SPEF2: variants seen among roughly 807,000 people sequenced by gnomAD.
The protein encoded by SPEF2 is sperm flagella and cilia-associated protein 2.
Under a neutral mutation model 224.6 loss-of-function variants are expected in SPEF2, and 187 were observed. The observed-to-expected ratio is 0.83, with a 90% CI of 0.74 to 0.94. The LOEUF (loss-of-function observed/expected upper bound fraction) is 0.94. Ranked by LOEUF, SPEF2 falls within the 40% of genes least tolerant of loss-of-function variation. SPEF2 has a pLI of 0.00. For synonymous variants in SPEF2, 715 were observed against 707.3 expected, an observed-to-expected ratio of 1.01 and a Z score of -0.17; for missense variants, 2,170 against 2,135.6, an observed-to-expected ratio of 1.02 and a Z score of -0.32.
intron 31 of SPEF2, 78 bp from the exon 32 acceptor site, chr5:35,793,081 A>G (rs1756177140): frequency 7.6e-7 from 1 of 1,323,770 alleles, no homozygotes; most frequent in Non-Finnish European, 1.0e-6. Flanking sequence ...GGAAACTCTC[A>G]CTATGAAAAT....
At position 35,666,806 on chromosome 5, in the gene SPEF2, A is replaced by G. The variant is rs183490777; in HGVS notation, c.1168-266A>G. On this transcript the variant is annotated intron_variant, in intron 8 of 36. Coordinates refer to ENST00000356031, the MANE Select transcript of SPEF2 (RefSeq NM_024867.4). ...AAGGCTTAAGATCCAATTCCTCATT[A>G]ATCCACATTGGGCTTTCCCCAGTTA... Among the ~76,000 whole-genome samples, 13 of 152,312 alleles carry G rather than the reference A, an allele frequency of 8.5e-5. No individual in the cohort carries two copies. In the East Asian group the frequency reaches 2.5e-3, roughly 29 times the overall value.
Position 35,618,268 on chromosome 5 carries a change from C to A in SPEF2, c.58+213C>A, listed in dbSNP as rs116848278. ...TCCCTACAGCTCACCCCAGCCAGGG[C>A]AAGGCCTTGTCACGTCCCCACTCTG... On this transcript the variant is annotated intron_variant, in intron 1 of 36. Transcript: ENST00000356031. Among the ~76,000 whole-genome samples the A allele has an allele frequency of 3.9e-5, 6 of 152,262 alleles. 1 individual carries two copies.
chr5:35,657,387 TA>T (rs1248501866), intron 7 of SPEF2, among the ~76,000 whole-genome samples: 11 of 152,100 alleles, frequency 7.2e-5, no homozygotes. Flanking sequence ...TTTGACTTTT[TA>T]GGGGATAGGT....
intron 26 of SPEF2, among the ~76,000 whole-genome samples, chr5:35,765,268 T>C (rs1388774495): frequency 6.6e-6 from 1 of 152,230 alleles, no homozygotes; most frequent in Non-Finnish European, 1.5e-5. Flanking sequence ...ATTCATCTTA[T>C]GTTGTTCATT....
Position 35,641,617 on chromosome 5 carries a change from G to A in SPEF2, c.348G>A (p.Glu116=). Residue 116 remains glutamate, a synonymous_variant, in exon 3 of 37, where the codon GAG becomes GAA. Coordinates refer to ENST00000356031, the MANE Select transcript of SPEF2 (RefSeq NM_024867.4). Reference sequence around the variant, plus strand: ...AGAAAAGTGGACTGACTGGAGTGGAGATGCAAACCATGCAACGTCTGACAA... The same window carrying A: ...AGAAAAGTGGACTGACTGGAGTGGAAATGCAAACCATGCAACGTCTGACAA... The part of the protein sequence containing the change: ...KKKKSGLTGV[E]MQTMQRLTNL... The A allele has an allele frequency of 2.5e-6, 4 of 1,613,656 alleles. No homozygotes were observed. Among genetic ancestry groups the A allele is most frequent in the Non-Finnish European group, 3.4e-6 (4 of 1,179,742 alleles).
In SPEF2 at chr5:35,670,053, C is replaced by A. The variant is rs200211206; in HGVS notation, c.1356-6C>A. The A allele has an allele frequency of 1.8e-4, 277 of 1,577,172 alleles. No homozygotes were observed. Among genetic ancestry groups the A allele is most frequent in the Non-Finnish European group, 2.3e-4 (267 of 1,167,220 alleles). On this transcript the variant is annotated splice_region_variant and splice_polypyrimidine_tract_variant and intron_variant, in intron 9 of 36. Coordinates refer to ENST00000356031, the MANE Select transcript of SPEF2 (RefSeq NM_024867.4). ...GATTCATCTCTACCTTTTTTTTGTGCGATAGTCTGATTCCGTATAAGTTGA... is the reference window on the plus strand; with the variant it reads ...GATTCATCTCTACCTTTTTTTTGTGAGATAGTCTGATTCCGTATAAGTTGA...
chr5:35,754,092 G>A (rs1335384775), intron 24 of SPEF2, among the ~76,000 whole-genome samples: 1 of 152,054 alleles, frequency 6.6e-6, no homozygotes, highest in African/African-American at 2.4e-5. Context: ...CCCTTAAGTG[G>A]ACAAAGAAAG....
At chr5:35,674,378 A>T (rs13328194) in intron 10 of SPEF2, among the ~76,000 whole-genome samples, 69,142 of 112,460 alleles carry the variant, frequency 0.61, 17,779 homozygotes, top group African/African-American at 0.66. Flanking sequence ...AATTCTTTTT[A>T]TTATTATTAT....
At chr5:35,744,280 ATC>A in intron 23 of SPEF2, among the ~76,000 whole-genome samples, 1 of 152,278 alleles carries the variant, frequency 6.6e-6, no homozygotes, top group South Asian at 2.1e-4. Context: ...ATAGTTATGA[ATC>A]TCTCTTAAAT....
chr5:35,788,180 G>T, intron 30 of SPEF2: 1 of 702,968 alleles, frequency 1.4e-6, no homozygotes, highest in Non-Finnish European at 2.6e-6. Context: ...TAGCTCTCCA[G>T]TGAACAGAGC....
chr5:35,675,815 A>G (rs1286926698), intron 10 of SPEF2: 4 of 414,094 alleles, frequency 9.7e-6, no homozygotes, highest in African/African-American at 8.3e-5. Flanking sequence ...AGAGGGCTCT[A>G]TTTGCCCTAG....
At chr5:35,681,697 T>A (rs1490800941) in intron 10 of SPEF2, among the ~76,000 whole-genome samples, 2 of 151,964 alleles carry the variant, frequency 1.3e-5, no homozygotes, top group Non-Finnish European at 2.9e-5. Context: ...ATTTCATAAA[T>A]TTTTTTTGTG....
chr5:35,734,709 CTTTTTTT>C (rs869188623), intron 21 of SPEF2, among the ~76,000 whole-genome samples: 1 of 31,198 alleles, frequency 3.2e-5, no homozygotes, highest in South Asian at 1.4e-3. Flanking sequence ...TCTTTTTTTT[CTTTTTTT>C]TTTTTTTTTT....
chr5:35,716,051 C>G (rs901529600), intron 20 of SPEF2, among the ~76,000 whole-genome samples: 2 of 151,958 alleles, frequency 1.3e-5, no homozygotes, highest in Non-Finnish European at 1.5e-5. Flanking sequence ...CTTTTTTAAA[C>G]TGTTCATCAC....
intron 23 of SPEF2, among the ~76,000 whole-genome samples, chr5:35,751,284 A>C (rs1749603369): frequency 6.9e-6 from 1 of 145,266 alleles, no homozygotes; most frequent in Admixed American, 6.9e-5. Flanking sequence ...CAAAGGCATA[A>C]GAATGATACA....
At chr5:35,725,613 A>G (rs1744506397) in intron 20 of SPEF2, among the ~76,000 whole-genome samples, 1 of 152,096 alleles carries the variant, frequency 6.6e-6, no homozygotes, top group Admixed American at 6.5e-5. Flanking sequence ...TTACTTTCTT[A>G]GTTGTAAATT....
chr5:35,806,602 T>C lies in SPEF2; in HGVS notation c.5011-105T>C. ...GTTAGCTAGTTTGTGGTAGGCTCTG[T>C]CATTCATGAAAAGTGTGTGATTATG... On this transcript the variant is annotated intron_variant, in intron 34 of 36. Transcript: ENST00000356031. 2.1e-6 allele frequency: 3 copies of C among 1,399,444 alleles called. No individual in the cohort carries two copies. In the Admixed American group the frequency reaches 7.4e-5, roughly 34 times the overall value. 86.7% of individuals were successfully genotyped at this position (1,399,444 alleles called of 1,614,324 possible).
chr5:35,724,114 C>T (rs1252148494), intron 20 of SPEF2, among the ~76,000 whole-genome samples: 2 of 151,940 alleles, frequency 1.3e-5, no homozygotes, highest in Non-Finnish European at 2.9e-5. Flanking sequence ...ATCATTTTAC[C>T]ATGTCAAAGA....
At chr5:35,744,432 T>A (rs1748144619) in intron 23 of SPEF2, among the ~76,000 whole-genome samples, 1 of 152,204 alleles carries the variant, frequency 6.6e-6, no homozygotes, top group South Asian at 2.1e-4. Context: ...ATATTCCTTG[T>A]TCTTCAATTA....
Sources: allele counts gnomAD v4.1 joint callset (sites outside exome capture counted in the v4.1 genomes callset), GRCh38; gene constraint gnomAD v4.1.1; transcripts MANE v1.5; gene names NCBI Gene and HGNC (gene_info 2026-07-23, HGNC 2026-07-21).